The following CTNNA3 variants were observed in gnomAD, a reference collection of about 807,000 sequenced individuals.
The protein encoded by CTNNA3 is catenin alpha 3.
A neutral mutation model predicts 95.7 loss-of-function variants in CTNNA3; 76 were observed. That is an observed-to-expected ratio of 0.79 (90% CI 0.66 to 0.96). The LOEUF is 0.96. CTNNA3 is among the 40% of genes least tolerant of loss of function. CTNNA3 has a pLI of 0.00. For synonymous variants in CTNNA3, 431 were observed against 374.4 expected, an observed-to-expected ratio of 1.15 and a Z score of -1.74; for missense variants, 1,191 against 1,089.8, an observed-to-expected ratio of 1.09 and a Z score of -1.31.
At chr10:66,706,359 T>A (rs1848116965) in intron 9 of CTNNA3, among the ~76,000 whole-genome samples, 2 of 146,504 alleles carry the variant, frequency 1.4e-5, no homozygotes, top group Admixed American at 1.4e-4. Flanking sequence ...TAGCTTATCT[T>A]TTTTTTTTTT....
intron 5 of CTNNA3, among the ~76,000 whole-genome samples, chr10:67,294,676 G>A (rs1487981825): frequency 1.3e-5 from 2 of 152,086 alleles, no homozygotes; most frequent in Non-Finnish European, 2.9e-5. Context: ...GACACTGACA[G>A]TTAAATCAAT....
chr10:66,720,435 T>G (rs1304009699), intron 9 of CTNNA3, among the ~76,000 whole-genome samples: 1 of 152,320 alleles, frequency 6.6e-6, no homozygotes, highest in South Asian at 2.1e-4. Context: ...GCCGTGCAGG[T>G]TTGGCTGGTC....
chr10:66,042,301 T>C (rs1589283213), intron 15 of CTNNA3, among the ~76,000 whole-genome samples: 1 of 152,204 alleles, frequency 6.6e-6, no homozygotes, highest in Admixed American at 6.5e-5. Context: ...AATTTATGTG[T>C]CTATCTCTTC....
chr10:66,313,373 T>C (rs2092051241), intron 12 of CTNNA3, among the ~76,000 whole-genome samples: 1 of 152,232 alleles, frequency 6.6e-6, no homozygotes, highest in Non-Finnish European at 1.5e-5. Context: ...CTCTTCACCA[T>C]GGTTTGTCCA....
chr10:66,881,371 T>C (rs1232872864), intron 7 of CTNNA3, among the ~76,000 whole-genome samples: 2 of 152,128 alleles, frequency 1.3e-5, no homozygotes, highest in Admixed American at 6.6e-5. Flanking sequence ...AGGCAAAAGC[T>C]AGCAGAGCTG....
intron 1 of CTNNA3, among the ~76,000 whole-genome samples, chr10:67,685,445 G>A (rs925759436): frequency 2.0e-5 from 3 of 152,200 alleles, no homozygotes; most frequent in South Asian, 2.1e-4. Context: ...TCCCTTAATC[G>A]CCCAGGAGGA....
intron 3 of CTNNA3, among the ~76,000 whole-genome samples, chr10:67,579,102 G>A (rs1378085248): frequency 6.8e-6 from 1 of 147,592 alleles, no homozygotes; most frequent in African/African-American, 2.5e-5. Context: ...TGTGCACAAC[G>A]TGCAGGTTTG....
intron 13 of CTNNA3, among the ~76,000 whole-genome samples, chr10:66,244,140 T>C (rs1181072167): frequency 6.6e-6 from 1 of 152,212 alleles, no homozygotes; most frequent in Admixed American, 6.5e-5. Context: ...ATGGTGGTGA[T>C]GGACCTGGGG....
intron 11 of CTNNA3, among the ~76,000 whole-genome samples, chr10:66,460,428 A>G (rs753919636): frequency 2.0e-5 from 3 of 152,168 alleles, no homozygotes; most frequent in Non-Finnish European, 2.9e-5. Context: ...CAGTTCATGT[A>G]AGTTGCGATG....
intron 4 of CTNNA3, among the ~76,000 whole-genome samples, chr10:67,525,813 C>T (rs1840122535): frequency 1.3e-5 from 2 of 152,316 alleles, no homozygotes; most frequent in Admixed American, 6.5e-5. Context: ...CATCAAGTAG[C>T]ATTGCTCCAA....
chr10:67,171,720 C>A (rs1445977247), intron 7 of CTNNA3, among the ~76,000 whole-genome samples: 1 of 151,930 alleles, frequency 6.6e-6, no homozygotes, highest in Non-Finnish European at 1.5e-5. Context: ...TCACTACCCT[C>A]TAGCAGCCTG....
At chr10:65,953,261 G>C (rs1030730522) in intron 17 of CTNNA3, among the ~76,000 whole-genome samples, 2 of 152,088 alleles carry the variant, frequency 1.3e-5, no homozygotes, top group Non-Finnish European at 2.9e-5. Flanking sequence ...AATCTTCTTA[G>C]AGTTATATTT....
chr10:66,430,634 C>G lies in CTNNA3; in HGVS notation c.1532-51282G>C, dbSNP rs1159681441. ...ACTATCTGATCTTTGACAAACCTGA[C>G]AAAAACAAGAAATGAGGAAAGGATT... is the stretch of plus-strand genomic sequence containing the variant. On this transcript the variant is annotated intron_variant, in intron 11 of 17. Coordinates refer to ENST00000433211, the MANE Select transcript of CTNNA3 (RefSeq NM_013266.4). Among the ~76,000 whole-genome samples, 6 of 152,154 alleles carry G rather than the reference C, an allele frequency of 3.9e-5. No individual in the cohort carries two copies. In the South Asian group the frequency reaches 8.3e-4, roughly 21 times the overall value.
rs181977291 is a variant in CTNNA3 at position 66,196,140 on chromosome 10, C to T, written c.1884+84330G>A. ...TAAGATTCCAAATTGGAAAGATATA[C>T]AGAGTGTATTGTAAAATGACAAAAA... On this transcript the variant is annotated intron_variant, in intron 13 of 17. Transcript: ENST00000433211. Among the ~76,000 whole-genome samples, 34 of 152,102 alleles carry T rather than the reference C, an allele frequency of 2.2e-4. No homozygotes were observed. The East Asian group carries it at 5.6e-3, about 25-fold the overall frequency.
At position 66,468,259 on chromosome 10, in the gene CTNNA3, G is replaced by A. The variant is rs1033510349; in HGVS notation, c.1531+52358C>T. ...CCCAAAAGAAAAAGGAATTAATTGC[G>A]ATGTATTTCAAAAAGTAAGTGTACA... On this transcript the variant is annotated intron_variant, in intron 11 of 17. Coordinates refer to ENST00000433211, the MANE Select transcript of CTNNA3 (RefSeq NM_013266.4). Among the ~76,000 whole-genome samples the A allele has an allele frequency of 3.3e-5, 5 of 152,040 alleles. No homozygotes were observed. The South Asian group carries it at 8.3e-4, about 25-fold the overall frequency.
intron 9 of CTNNA3, among the ~76,000 whole-genome samples, chr10:66,763,327 CACA>C (rs1839679699): frequency 9.2e-6 from 1 of 109,120 alleles, no homozygotes; most frequent in South Asian, 3.6e-4. Context: ...CACACACACA[CACA>C]CACACACACA....
intron 5 of CTNNA3, among the ~76,000 whole-genome samples, chr10:67,354,164 A>G (rs1564590149): frequency 6.6e-6 from 1 of 152,042 alleles, no homozygotes; most frequent in South Asian, 2.1e-4. Flanking sequence ...TAGTTAATGC[A>G]CAGTATAAAA....
intron 6 of CTNNA3, among the ~76,000 whole-genome samples, chr10:67,185,785 G>C (rs1253849824): frequency 6.6e-6 from 1 of 152,080 alleles, no homozygotes; most frequent in African/African-American, 2.4e-5. Flanking sequence ...ATTTTGGGAG[G>C]TTGAGGTGGG....
At chr10:66,237,531 T>C (rs552940738) in intron 13 of CTNNA3, among the ~76,000 whole-genome samples, 1 of 151,386 alleles carries the variant, frequency 6.6e-6, no homozygotes, top group Non-Finnish European at 1.5e-5. Context: ...TGTACTTTTC[T>C]CAGAACACCA....
Sources: gnomAD v4.1 joint callset for allele counts (sites outside exome capture counted in the v4.1 genomes callset) on GRCh38, gnomAD v4.1.1 for gene constraint, MANE v1.5 for transcripts, NCBI Gene and HGNC (gene_info 2026-07-23, HGNC 2026-07-21) for gene names.